Variants in THSD7B observed in about 807,000 individuals in gnomAD.
THSD7B encodes the protein thrombospondin type 1 domain containing 7B, also known as thrombospondin type-1 domain-containing protein 7B.
Under a neutral mutation model 213.6 loss-of-function variants are expected in THSD7B, and 138 were observed. The ratio of observed to expected loss-of-function variants is 0.65; its 90% CI spans 0.56 to 0.74. The LOEUF (loss-of-function observed/expected upper bound fraction) is 0.74. Ranked by LOEUF, THSD7B falls within the 30% of genes least tolerant of loss-of-function variation. The pLI, the probability that THSD7B is intolerant of heterozygous loss-of-function variation, is 0.00. For synonymous variants in THSD7B, 742 were observed against 687.0 expected (o/e 1.08, Z -1.25); for missense variants, 1,931 against 1,991.5 (o/e 0.97, Z 0.58).
rs529189024 is a variant in THSD7B at position 137,175,186 on chromosome 2, GATAAACACCTGTCTGCCTGCTGTAGCAGT to G, written c.1723+4249_1723+4277del. Among the ~76,000 whole-genome samples, 653 of 152,288 alleles carry G rather than the reference GATAAACACCTGTCTGCCTGCTGTAGCAGT, an allele frequency of 4.3e-3. 3 individuals carry two copies. Among genetic ancestry groups the G allele is most frequent in the African/African-American group, 0.015 (615 of 41,562 alleles). ...GGCAGAAGACTCCATGGGGTCATTGGATAAACACCTGTCTGCCTGCTGTAGCAGTCAGACCTGGAGCACTCACCCATAAC... is the reference window on the plus strand; with the variant it reads ...GGCAGAAGACTCCATGGGGTCATTGGCAGACCTGGAGCACTCACCCATAAC... On this transcript the variant is annotated intron_variant, in intron 7 of 27. Coordinates refer to ENST00000409968, the MANE Select transcript of THSD7B (RefSeq NM_001316349.2).
At position 137,668,403 on chromosome 2, in the gene THSD7B, A is replaced by T. The variant is rs139292888; in HGVS notation, c.4739+542A>T. 7.9e-3 allele frequency among the ~76,000 whole-genome samples: 1,206 copies of T among 152,100 alleles called. 17 individuals are homozygous for T. Among genetic ancestry groups the T allele is most frequent in the African/African-American group, 0.028 (1,150 of 41,456 alleles). ...AAATAGTAGAGCAAGTTGTTTTGCT[A>T]TATTGACCAGCTATGAGACAAAATT... On this transcript the variant is annotated intron_variant, in intron 27 of 27. Coordinates refer to ENST00000409968, the MANE Select transcript of THSD7B (RefSeq NM_001316349.2).
rs3084772 is a variant in THSD7B, at chr2:136,887,300, TTGTGTGTGTG to T, written c.139+5004_139+5013del. ...GAAATAGAAGAAAACTCCATATTTG[TTGTGTGTGTG>T]TGTGTGTGTGTGTGTGTGTGACAGG... On this transcript the variant is annotated intron_variant, in intron 2 of 27. Coordinates refer to ENST00000409968, the MANE Select transcript of THSD7B (RefSeq NM_001316349.2). Among the ~76,000 whole-genome samples, 1,189 of 148,562 alleles carry T rather than the reference TTGTGTGTGTG, an allele frequency of 8.0e-3. 7 individuals carry two copies. The highest frequency in any genetic ancestry group is 0.017 in the Middle Eastern group (5 of 288).
At chr2:137,065,476 C>T (rs543229210) in intron 3 of THSD7B, among the ~76,000 whole-genome samples, 31 of 151,808 alleles carry the variant, frequency 2.0e-4, no homozygotes, top group Middle Eastern at 3.4e-3. Flanking sequence ...CTTTCCAGTT[C>T]GGTTGTCCTT....
chr2:137,423,020 G>A (rs140817676), intron 14 of THSD7B, among the ~76,000 whole-genome samples: 126 of 152,064 alleles, frequency 8.3e-4, no homozygotes, highest in Admixed American at 1.7e-3. Context: ...AACTTTCTTC[G>A]TACCTATTTG....
intron 1 of THSD7B, among the ~76,000 whole-genome samples, chr2:136,814,925 A>G (rs1316053126): frequency 6.6e-6 from 1 of 152,176 alleles, no homozygotes; most frequent in Non-Finnish European, 1.5e-5. Context: ...TAAAAGAATA[A>G]TATTTCTTGA....
intron 7 of THSD7B, among the ~76,000 whole-genome samples, chr2:137,194,979 C>G (rs998421342): frequency 5.9e-5 from 9 of 151,960 alleles, no homozygotes; most frequent in African/African-American, 2.2e-4. Flanking sequence ...GGAAATCTTG[C>G]CTTTACCTAA....
intron 14 of THSD7B, among the ~76,000 whole-genome samples, chr2:137,443,646 C>A (rs1359282326): frequency 6.6e-6 from 1 of 151,972 alleles, no homozygotes; most frequent in Non-Finnish European, 1.5e-5. Flanking sequence ...CTATCTCAAC[C>A]AAGTCTGAGT....
chr2:137,416,327 C>T (rs751347732), intron 14 of THSD7B, among the ~76,000 whole-genome samples: 1 of 152,200 alleles, frequency 6.6e-6, no homozygotes, highest in Non-Finnish European at 1.5e-5. Context: ...CGAGGACTTC[C>T]ATGAGGATGT....
chr2:137,575,043 T>G (rs1681430465), intron 17 of THSD7B, among the ~76,000 whole-genome samples: 1 of 152,100 alleles, frequency 6.6e-6, no homozygotes, highest in South Asian at 2.1e-4. Flanking sequence ...TTGTTGGGTA[T>G]TTTCTCCTCC....
intron 10 of THSD7B, 139 bp downstream of exon 10, chr2:137,242,711 G>T: frequency 1.6e-6 from 1 of 620,158 alleles, no homozygotes; most frequent in Non-Finnish European, 2.9e-6. Flanking sequence ...GTTTGGTAAA[G>T]TTTGTAAATG....
chr2:137,529,275 A>T (rs903425739), intron 15 of THSD7B, among the ~76,000 whole-genome samples: 9 of 152,254 alleles, frequency 5.9e-5, no homozygotes, highest in African/African-American at 2.2e-4. Context: ...GAATAAATAC[A>T]TGAATGAAAG....
chr2:137,655,483 T>C lies in THSD7B; in HGVS notation c.3946-18T>C. On this transcript the variant is annotated intron_variant, in intron 21 of 27. Transcript: ENST00000409968. ...TGAATTATTTGGGTAATTGTGAAAG[T>C]ATCCTTTCCTCTCATAGGGTGGAGA... is the stretch of plus-strand genomic sequence containing the variant. The C allele has an allele frequency of 6.3e-7, 1 of 1,598,182 alleles. No individual in the cohort carries two copies. Among genetic ancestry groups the C allele is most frequent in the East Asian group, 2.3e-5 (1 of 44,406 alleles).
At chr2:136,932,712 G>A (rs1684651698) in intron 2 of THSD7B, among the ~76,000 whole-genome samples, 1 of 152,104 alleles carries the variant, frequency 6.6e-6, no homozygotes, top group African/African-American at 2.4e-5. Context: ...CTGAGGAGGA[G>A]GAAGAGGAGG....
chr2:137,303,584 T>C (rs1376203737), intron 12 of THSD7B, among the ~76,000 whole-genome samples: 1 of 149,648 alleles, frequency 6.7e-6, no homozygotes, highest in African/African-American at 2.5e-5. Context: ...ATAACTGTAA[T>C]TGCATGATTC....
chr2:137,143,557 T>G (rs1679635039), intron 5 of THSD7B, among the ~76,000 whole-genome samples: 1 of 152,198 alleles, frequency 6.6e-6, no homozygotes, highest in Non-Finnish European at 1.5e-5. Flanking sequence ...ATGAAGAATG[T>G]GTTCTTTCCT....
Position 137,159,719 on chromosome 2 carries a change from C to T in THSD7B, c.1370-494C>T, listed in dbSNP as rs1679976721. On this transcript the variant is annotated intron_variant, in intron 5 of 27. Coordinates refer to ENST00000409968, the MANE Select transcript of THSD7B (RefSeq NM_001316349.2). ...CACAGATTCTGAATTTTCTTCTTAT[C>T]CTAAGTACGATTTTTCTTGTGTATC... is the stretch of plus-strand genomic sequence containing the variant. Among the ~76,000 whole-genome samples the T allele has an allele frequency of 3.3e-5, 5 of 152,118 alleles. 1 individual carries two copies. The South Asian group carries it at 1.0e-3, about 31-fold the overall frequency.
chr2:137,486,956 C>G (rs1355847760), intron 15 of THSD7B, among the ~76,000 whole-genome samples: 2 of 152,044 alleles, frequency 1.3e-5, no homozygotes, highest in Non-Finnish European at 2.9e-5. Flanking sequence ...GAGAACAAAG[C>G]CACAACATAC....
intron 17 of THSD7B, among the ~76,000 whole-genome samples, chr2:137,589,477 A>G (rs1408183453): frequency 1.3e-5 from 2 of 152,038 alleles, no homozygotes; most frequent in African/African-American, 4.8e-5. Context: ...AAATTTTGTG[A>G]TTTTCTTCAA....
chr2:137,008,088 T>A (rs181136472), intron 2 of THSD7B, among the ~76,000 whole-genome samples: 2 of 152,090 alleles, frequency 1.3e-5, no homozygotes, highest in Admixed American at 6.5e-5. Context: ...AGCAAAGACA[T>A]GAAAAAGTGT....
Sources: gnomAD v4.1 joint callset for allele counts (sites outside exome capture counted in the v4.1 genomes callset) on GRCh38, gnomAD v4.1.1 for gene constraint, MANE v1.5 for transcripts, NCBI Gene and HGNC (gene_info 2026-07-23, HGNC 2026-07-21) for gene names.